Variants in FBXL7 observed in about 807,000 individuals in gnomAD.
FBXL7 encodes the protein F-box/LRR-repeat protein 7.
In FBXL7, 12 loss-of-function variants were observed where a neutral mutation model predicts 38.3. The ratio of observed to expected loss-of-function variants is 0.31; its 90% CI spans 0.20 to 0.51. The LOEUF is 0.51. Among genes scored for constraint, FBXL7 ranks in the 20% least tolerant of loss-of-function variants. The pLI, the probability that FBXL7 is intolerant of heterozygous loss-of-function variation, is 0.98. For missense variants in FBXL7, 567 were observed against 676.4 expected (o/e 0.84, Z 1.79); for synonymous variants, 297 against 300.9 (o/e 0.99, Z 0.13).
chr5:15,715,145 A>G (rs1384141088), intron 2 of FBXL7, among the ~76,000 whole-genome samples: 2 of 152,292 alleles, frequency 1.3e-5, no homozygotes, highest in African/African-American at 4.8e-5. Context: ...TTACAGTGTC[A>G]ATAGGAAACT....
chr5:15,931,245 T>G (rs541356998), intron 3 of FBXL7, among the ~76,000 whole-genome samples: 1 of 152,314 alleles, frequency 6.6e-6, no homozygotes, highest in South Asian at 2.1e-4. Context: ...AAGAACATAT[T>G]TGTGAAAGCT....
intron 2 of FBXL7, among the ~76,000 whole-genome samples, chr5:15,764,097 G>C (rs553924738): frequency 1.1e-4 from 16 of 152,256 alleles, no homozygotes; most frequent in African/African-American, 3.6e-4. Context: ...ACTCAAAAAA[G>C]CTTTACTATT....
intron 2 of FBXL7, among the ~76,000 whole-genome samples, chr5:15,900,412 GTCTGTAGGGA>G (rs1382912914): frequency 6.6e-6 from 1 of 152,162 alleles, no homozygotes; most frequent in Non-Finnish European, 1.5e-5. Context: ...TGGTGTTGGG[GTCTGTAGGGA>G]TCTGTTCGTG....
intron 2 of FBXL7, among the ~76,000 whole-genome samples, chr5:15,878,819 T>G (rs1579559745): frequency 6.6e-6 from 1 of 152,286 alleles, no homozygotes; most frequent in East Asian, 1.9e-4. Flanking sequence ...TTTCCTAGCC[T>G]CCTTCTCACT....
intron 2 of FBXL7, among the ~76,000 whole-genome samples, chr5:15,830,427 T>A (rs1738423506): frequency 6.6e-6 from 1 of 150,960 alleles, no homozygotes; most frequent in Non-Finnish European, 1.5e-5. Context: ...GAGGTTGCAG[T>A]GAGCCGAGAT....
intron 2 of FBXL7, among the ~76,000 whole-genome samples, chr5:15,638,279 G>A (rs1741250409): frequency 6.6e-6 from 1 of 152,204 alleles, no homozygotes; most frequent in Non-Finnish European, 1.5e-5. Context: ...GGAGTCACAA[G>A]GGGGAATTGG....
At chr5:15,862,471 G>A (rs925180672) in intron 2 of FBXL7, among the ~76,000 whole-genome samples, 1 of 151,996 alleles carries the variant, frequency 6.6e-6, no homozygotes, top group Non-Finnish European at 1.5e-5. Flanking sequence ...TACAAAAACC[G>A]GGCATTTTAT....
chr5:15,886,639 T>C (rs1579570733), intron 2 of FBXL7, among the ~76,000 whole-genome samples: 1 of 152,286 alleles, frequency 6.6e-6, no homozygotes, highest in East Asian at 1.9e-4. Flanking sequence ...TATGGATGGT[T>C]ATCCTGCCAC....
intron 2 of FBXL7, among the ~76,000 whole-genome samples, chr5:15,657,300 T>G (rs79379747): frequency 1.3e-5 from 2 of 150,672 alleles, no homozygotes; most frequent in Non-Finnish European, 2.9e-5. Flanking sequence ...AGTAGGCAAC[T>G]TTAGTAGGCT....
intron 1 of FBXL7, among the ~76,000 whole-genome samples, chr5:15,511,707 G>A: frequency 6.6e-6 from 1 of 152,144 alleles, no homozygotes; most frequent in East Asian, 1.9e-4. Context: ...TGGTGGCAGG[G>A]GCATCTATCA....
chr5:15,624,060 A>G (rs1740731762), intron 2 of FBXL7, among the ~76,000 whole-genome samples: 1 of 152,222 alleles, frequency 6.6e-6, no homozygotes, highest in Non-Finnish European at 1.5e-5. Context: ...TTTTTACTGT[A>G]CTTAGGAGAA....
At chr5:15,644,236 A>G (rs1741457446) in intron 2 of FBXL7, among the ~76,000 whole-genome samples, 1 of 149,948 alleles carries the variant, frequency 6.7e-6, no homozygotes, top group Non-Finnish European at 1.5e-5. Flanking sequence ...AAGTGGGCGG[A>G]TCACCTGAGG....
At chr5:15,503,052 A>G (rs1736541145) in intron 1 of FBXL7, among the ~76,000 whole-genome samples, 1 of 152,246 alleles carries the variant, frequency 6.6e-6, no homozygotes, top group African/African-American at 2.4e-5. Flanking sequence ...CTGTACTTCT[A>G]TATTTGAGTC....
At chr5:15,933,402 T>G (rs187301067) in intron 3 of FBXL7, among the ~76,000 whole-genome samples, 30 of 152,326 alleles carry the variant, frequency 2.0e-4, no homozygotes, top group Admixed American at 1.4e-3. Flanking sequence ...ACCAAGAGTT[T>G]AAGAGCAAAG....
At chr5:15,577,185 C>T (rs962772011) in intron 1 of FBXL7, among the ~76,000 whole-genome samples, 2 of 152,176 alleles carry the variant, frequency 1.3e-5, no homozygotes, top group Non-Finnish European at 2.9e-5. Context: ...TCACTCTTTA[C>T]GGTCCGGTGA....
chr5:15,913,764 A>T (rs1741506700), intron 2 of FBXL7, among the ~76,000 whole-genome samples: 1 of 152,228 alleles, frequency 6.6e-6, no homozygotes, highest in Non-Finnish European at 1.5e-5. Flanking sequence ...GCATGAAAAT[A>T]CATGTGTTTC....
At chr5:15,725,643 G>A (rs1242059519) in intron 2 of FBXL7, among the ~76,000 whole-genome samples, 1 of 152,008 alleles carries the variant, frequency 6.6e-6, no homozygotes, top group East Asian at 1.9e-4. Context: ...TTTTGTTGTT[G>A]TTGTTGTTGC....
chr5:15,773,758 G>A (rs1736789473), intron 2 of FBXL7, among the ~76,000 whole-genome samples: 1 of 152,106 alleles, frequency 6.6e-6, no homozygotes, highest in Non-Finnish European at 1.5e-5. Flanking sequence ...TAATATCGTA[G>A]GGAGGGGGCA....
At chr5:15,854,921 A>G (rs1315552621) in intron 2 of FBXL7, among the ~76,000 whole-genome samples, 3 of 152,190 alleles carry the variant, frequency 2.0e-5, no homozygotes, top group Non-Finnish European at 4.4e-5. Flanking sequence ...AATACCCATC[A>G]ATTTCTTCAT....
Sources: gnomAD v4.1 joint callset for allele counts (sites outside exome capture counted in the v4.1 genomes callset) on GRCh38, gnomAD v4.1.1 for gene constraint, MANE v1.5 for transcripts, NCBI Gene and HGNC (gene_info 2026-07-23, HGNC 2026-07-21) for gene names.